Variants in SESTD1 observed in about 807,000 individuals in gnomAD.
SESTD1 encodes the protein SEC14 domain and spectrin repeat-containing protein 1.
In SESTD1, 43 loss-of-function variants were observed where a neutral mutation model predicts 101.7. That is an observed-to-expected ratio of 0.42 (90% CI 0.33 to 0.55). SESTD1 has a LOEUF of 0.55. Ranked by LOEUF, SESTD1 falls within the 20% of genes least tolerant of loss-of-function variation. The pLI is 0.07. For synonymous variants in SESTD1, 283 were observed against 286.8 expected (o/e 0.99, Z 0.13); for missense variants, 647 against 815.1 (o/e 0.79, Z 2.51).
chr2:179,111,719 C>CTTT (rs572503441), intron 17 of SESTD1, among the ~76,000 whole-genome samples: 45 of 135,344 alleles, frequency 3.3e-4, no homozygotes, highest in African/African-American at 1.0e-3. Context: ...CCTCCTGATT[C>CTTT]TTTTTTTTTT....
intron 5 of SESTD1, among the ~76,000 whole-genome samples, chr2:179,159,569 CAG>C (rs1203607524): frequency 1.3e-5 from 2 of 152,138 alleles, no homozygotes; most frequent in African/African-American, 4.8e-5. Flanking sequence ...TCGAAGAAAA[CAG>C]AGAAAACTGA....
chr2:179,230,784 A>C (rs969452264), intron 1 of SESTD1, among the ~76,000 whole-genome samples: 1 of 152,104 alleles, frequency 6.6e-6, no homozygotes, highest in Non-Finnish European at 1.5e-5. Context: ...AATCCAAAAA[A>C]AAATTTGCAG....
chr2:179,105,974 A>T lies in SESTD1; in HGVS notation c.*3925T>A, dbSNP rs2044373821. The T allele has an allele frequency of 6.6e-6, 1 of 152,204 alleles. No homozygotes were observed. Among genetic ancestry groups the T allele is most frequent in the African/African-American group, 2.4e-5 (1 of 41,452 alleles). 9.4% of individuals were successfully genotyped at this position (152,204 alleles called of 1,614,324 possible). The stretch of plus-strand genomic sequence containing the variant: ...CATGTATGAAAGTCAAATAATGTCA[A>T]ATGGTAAGTTTCTACTTCATTTTAT... On this transcript the variant is annotated 3_prime_UTR_variant, in exon 18 of 18. Coordinates refer to ENST00000428443, the MANE Select transcript of SESTD1 (RefSeq NM_178123.5).
chr2:179,125,575 G>A (rs2044855755), intron 10 of SESTD1, among the ~76,000 whole-genome samples: 1 of 152,182 alleles, frequency 6.6e-6, no homozygotes, highest in South Asian at 2.1e-4. Context: ...ACAAGGCTTA[G>A]AGGGAGACAC....
chr2:179,247,456 G>A (rs1417204115), intron 1 of SESTD1, among the ~76,000 whole-genome samples: 3 of 152,088 alleles, frequency 2.0e-5, no homozygotes, highest in Non-Finnish European at 2.9e-5. Context: ...GGTCTTTCTT[G>A]CTCTGTCACC....
chr2:179,213,126 C>T (rs2046672655), intron 1 of SESTD1, among the ~76,000 whole-genome samples: 1 of 134,984 alleles, frequency 7.4e-6, no homozygotes, highest in Non-Finnish European at 1.6e-5. Flanking sequence ...AGCAAAGGAA[C>T]AAAGCTGGAT....
rs1341430574 is a variant in SESTD1, at chr2:179,148,645, CT to C, written c.581+651del. On this transcript the variant is annotated intron_variant, in intron 7 of 17. Transcript: ENST00000428443. ...ATAATAATTGTATTTCAAACTGCAACTTTTTTCATATTCTTAACCAGGAAAG... is the reference window on the plus strand; with the variant it reads ...ATAATAATTGTATTTCAAACTGCAACTTTTTCATATTCTTAACCAGGAAAG... 2.0e-5 allele frequency among the ~76,000 whole-genome samples: 3 copies of C among 152,142 alleles called. No homozygotes were observed. In the East Asian group the frequency reaches 5.8e-4, roughly 29 times the overall value.
chr2:179,253,250 T>G (rs933672153), intron 1 of SESTD1, among the ~76,000 whole-genome samples: 2 of 152,102 alleles, frequency 1.3e-5, no homozygotes, highest in Admixed American at 6.6e-5. Flanking sequence ...AAAAAACACC[T>G]CTGAGAAACT....
intron 1 of SESTD1, among the ~76,000 whole-genome samples, chr2:179,201,319 T>C (rs1309806880): frequency 2.4e-5 from 3 of 127,322 alleles, no homozygotes; most frequent in Admixed American, 7.4e-5. Flanking sequence ...TTTTACACTG[T>C]TGGTGGGACT....
chr2:179,175,879 A>G (rs2105478463), intron 4 of SESTD1, among the ~76,000 whole-genome samples: 1 of 152,334 alleles, frequency 6.6e-6, no homozygotes, highest in East Asian at 1.9e-4. Context: ...GTAATCGTAG[A>G]TGTTTATTAA....
intron 1 of SESTD1, among the ~76,000 whole-genome samples, chr2:179,207,825 C>T (rs1165050903): frequency 7.5e-6 from 1 of 133,960 alleles, no homozygotes. Context: ...TTCTATAACA[C>T]CCCCAAAAGA....
chr2:179,149,742 C>T (rs2045478261), intron 6 of SESTD1, among the ~76,000 whole-genome samples: 3 of 152,144 alleles, frequency 2.0e-5, no homozygotes, highest in South Asian at 2.1e-4. Flanking sequence ...ATAACAGTTA[C>T]AGAACACTTC....
intron 1 of SESTD1, among the ~76,000 whole-genome samples, chr2:179,262,730 C>T (rs1385816255): frequency 6.6e-6 from 1 of 152,118 alleles, no homozygotes; most frequent in Non-Finnish European, 1.5e-5. Context: ...TATAAAAATA[C>T]ATTTTTTAAA....
intron 4 of SESTD1, 63 bp from the exon 5 acceptor site, chr2:179,172,296 TA>T: frequency 9.0e-7 from 1 of 1,114,924 alleles, no homozygotes; most frequent in Non-Finnish European, 1.3e-6. Flanking sequence ...ACTAAATTTA[TA>T]AATTACCAGA....
At chr2:179,115,283 T>A in intron 15 of SESTD1, 27 bp from the exon 16 acceptor site, 1 of 1,529,014 alleles carries the variant, frequency 6.5e-7, no homozygotes, top group South Asian at 1.2e-5. Flanking sequence ...AACATAAAAT[T>A]GTAATAAAAG....
In SESTD1 at chr2:179,121,866, G is replaced by C. The variant is rs959683907; in HGVS notation, c.1346C>G (p.Ala449Gly). ...TACATCCTTTCCATAGGCCCAGGATGCCTGATTGGAGATCTGATCCAGGAG... is the reference window on the plus strand; with the variant it reads ...TACATCCTTTCCATAGGCCCAGGATCCCTGATTGGAGATCTGATCCAGGAG... ...QGLLDQISNQASWAYGKDVTI... is the reference protein window; with the variant it reads ...QGLLDQISNQGSWAYGKDVTI... The change falls in exon 13 of 18, where the codon GCA becomes GGA. Residue 449 changes from alanine (A) to glycine (G), a missense_variant. Around this residue, in one of 3 missense-constraint regions of SESTD1, gnomAD observed 476 missense variants for 562.6 expected, o/e 0.85. Coordinates refer to ENST00000428443, the MANE Select transcript of SESTD1 (RefSeq NM_178123.5). 2.1e-5 allele frequency: 34 copies of C among 1,609,380 alleles called. No individual in the cohort carries two copies. The highest frequency in any genetic ancestry group is 1.6e-4 in the Middle Eastern group (1 of 6,076).
At chr2:179,137,480 G>A (rs2045173361) in intron 9 of SESTD1, among the ~76,000 whole-genome samples, 1 of 152,156 alleles carries the variant, frequency 6.6e-6, no homozygotes, top group Non-Finnish European at 1.5e-5. Flanking sequence ...TCTCTACAGA[G>A]GAAGAAAAGC....
At chr2:179,145,697 C>G (rs1193722758) in intron 8 of SESTD1, among the ~76,000 whole-genome samples, 1 of 152,190 alleles carries the variant, frequency 6.6e-6, no homozygotes, top group Non-Finnish European at 1.5e-5. Context: ...GATTATAAAA[C>G]AGTAGAGCTT....
chr2:179,118,848 A>G (rs1250110271), intron 13 of SESTD1, among the ~76,000 whole-genome samples: 1 of 152,170 alleles, frequency 6.6e-6, no homozygotes, highest in Non-Finnish European at 1.5e-5. Context: ...GTTTTATGAG[A>G]GTAGGGAGGA....
Sources: allele counts gnomAD v4.1 joint callset (sites outside exome capture counted in the v4.1 genomes callset), GRCh38; gene constraint gnomAD v4.1.1; regional missense constraint gnomAD v4.1.1; transcripts MANE v1.5; gene names NCBI Gene and HGNC (gene_info 2026-07-23, HGNC 2026-07-21).